The following MAF variants were observed in gnomAD, a reference collection of about 807,000 sequenced individuals.
MAF encodes the protein transcription factor Maf.
Under a neutral mutation model 22.0 loss-of-function variants are expected in MAF, and 10 were observed. The ratio of observed to expected loss-of-function variants is 0.45; its 90% CI spans 0.28 to 0.77. MAF has a LOEUF of 0.77. MAF is among the 30% of genes least tolerant of loss of function. The pLI, the probability that MAF is intolerant of heterozygous loss-of-function variation, is 0.12. For missense variants in MAF, 544 were observed against 548.4 expected (o/e 0.99, Z 0.08); for synonymous variants, 337 against 255.8 (o/e 1.32, Z -3.03).
chr16:79,237,236 A>G, the MAF span, among the ~76,000 whole-genome samples: 3 of 152,186 alleles, frequency 2.0e-5, no homozygotes, highest in African/African-American at 7.2e-5. Context: ...ACCAAGACAA[A>G]TATCTCCCCA....
At chr16:79,282,789 CA>C in the MAF span, among the ~76,000 whole-genome samples, 1 of 152,116 alleles carries the variant, frequency 6.6e-6, no homozygotes, top group East Asian at 1.9e-4. Flanking sequence ...CTCCCTTGAA[CA>C]GTATTTTATC....
downstream of MAF, among the ~76,000 whole-genome samples, chr16:79,590,658 C>T (rs966181973): frequency 2.6e-5 from 4 of 151,888 alleles, no homozygotes; most frequent in South Asian, 2.1e-4. Flanking sequence ...AACCTGTCAG[C>T]GGCTTGTCAG....
chr16:79,364,996 G>T, the MAF span, among the ~76,000 whole-genome samples: 3 of 152,180 alleles, frequency 2.0e-5, no homozygotes, highest in African/African-American at 4.8e-5. Flanking sequence ...TGTTTGTAGA[G>T]GCAAGACAAA....
At chr16:79,228,939 G>C in the MAF span, among the ~76,000 whole-genome samples, 1 of 151,796 alleles carries the variant, frequency 6.6e-6, no homozygotes, top group Non-Finnish European at 1.5e-5. Context: ...TCTGAGACAG[G>C]GCACGGTGGG....
the MAF span, among the ~76,000 whole-genome samples, chr16:79,465,043 G>C: frequency 1.8e-3 from 274 of 152,290 alleles, 2 homozygotes; most frequent in South Asian, 8.1e-3. Flanking sequence ...CAAACATGTT[G>C]GTTAATGGAC....
At chr16:79,296,561 A>G in the MAF span, among the ~76,000 whole-genome samples, 2 of 152,188 alleles carry the variant, frequency 1.3e-5, no homozygotes, top group African/African-American at 4.8e-5. Context: ...AATCAGTTTC[A>G]TAAATAGGCA....
At chr16:79,574,124 T>C in the MAF span, among the ~76,000 whole-genome samples, 17 of 152,208 alleles carry the variant, frequency 1.1e-4, no homozygotes, top group Non-Finnish European at 1.9e-4. Context: ...GATGAGAAAT[T>C]TAAAACGTAA....
chr16:79,442,236 G>A, the MAF span, among the ~76,000 whole-genome samples: 34 of 152,186 alleles, frequency 2.2e-4, no homozygotes, highest in African/African-American at 8.2e-4. Context: ...TTGCTGAGAA[G>A]GAAGAGGACC....
At chr16:79,295,316 C>T in the MAF span, among the ~76,000 whole-genome samples, 1 of 152,166 alleles carries the variant, frequency 6.6e-6, no homozygotes, top group African/African-American at 2.4e-5. Context: ...AATCGGGCGG[C>T]CTTCTGAGTC....
the MAF span, among the ~76,000 whole-genome samples, chr16:79,470,510 G>A: frequency 6.6e-6 from 1 of 152,206 alleles, no homozygotes; most frequent in Non-Finnish European, 1.5e-5. Flanking sequence ...TGGAGGGCAG[G>A]TCCATATCTT....
the MAF span, among the ~76,000 whole-genome samples, chr16:79,348,665 T>G: frequency 6.6e-6 from 1 of 152,236 alleles, no homozygotes; most frequent in African/African-American, 2.4e-5. Flanking sequence ...AAGCATGGCT[T>G]GGGCCCAGTG....
At chr16:79,301,139 C>T in the MAF span, among the ~76,000 whole-genome samples, 68 of 152,240 alleles carry the variant, frequency 4.5e-4, no homozygotes, top group African/African-American at 1.4e-3. Flanking sequence ...TCTTGCTACA[C>T]GAGAAACAAG....
the MAF span, among the ~76,000 whole-genome samples, chr16:79,388,232 G>C: frequency 1.3e-5 from 2 of 149,896 alleles, no homozygotes; most frequent in African/African-American, 4.9e-5. Context: ...TCTGGGTTAT[G>C]TGTGCCGATG....
the MAF span, among the ~76,000 whole-genome samples, chr16:79,536,323 C>G: frequency 6.6e-6 from 1 of 152,184 alleles, no homozygotes; most frequent in African/African-American, 2.4e-5. Context: ...ACCCATGGAT[C>G]CAACCAAATG....
At chr16:79,507,893 C>T in the MAF span, among the ~76,000 whole-genome samples, 1 of 152,028 alleles carries the variant, frequency 6.6e-6, no homozygotes, top group African/African-American at 2.4e-5. Flanking sequence ...TATAAAATAC[C>T]TAATTGTTAT....
chr16:79,312,486 C>T, the MAF span, among the ~76,000 whole-genome samples: 3 of 152,236 alleles, frequency 2.0e-5, no homozygotes, highest in African/African-American at 7.2e-5. Context: ...CTTCTCTCTC[C>T]ATTGGCTTCT....
the MAF span, among the ~76,000 whole-genome samples, chr16:79,496,573 A>G: frequency 3.9e-5 from 6 of 152,366 alleles, no homozygotes; most frequent in African/African-American, 1.4e-4. Flanking sequence ...GTGGTATTAT[A>G]TAACATACCT....
At chr16:79,453,969 T>C in the MAF span, among the ~76,000 whole-genome samples, 1 of 152,200 alleles carries the variant, frequency 6.6e-6, no homozygotes, top group Non-Finnish European at 1.5e-5. Flanking sequence ...TTAATAATAA[T>C]AATGGCATTA....
chr16:79,237,803 T>C, the MAF span, among the ~76,000 whole-genome samples: 3 of 152,132 alleles, frequency 2.0e-5, no homozygotes, highest in Admixed American at 6.6e-5. Flanking sequence ...CACTGCACCC[T>C]GTTGTGATAA....
Sources: gnomAD v4.1 joint callset for allele counts (sites outside exome capture counted in the v4.1 genomes callset) on GRCh38, gnomAD v4.1.1 for gene constraint, MANE v1.5 for transcripts, NCBI Gene and HGNC (gene_info 2026-07-23, HGNC 2026-07-21) for gene names.